CLVS1: variants seen among roughly 807,000 people sequenced by gnomAD.
CLVS1 encodes clavesin 1, also known as clavesin-1.
CLVS1 carries 10 observed loss-of-function variants against 33.1 expected under a neutral mutation model. The ratio of observed to expected loss-of-function variants is 0.30; its 90% confidence interval spans 0.19 to 0.51. The LOEUF (loss-of-function observed/expected upper bound fraction) is 0.51, where lower values mean the gene tolerates loss of function less well. Ranked by LOEUF, CLVS1 falls within the 20% of genes least tolerant of loss-of-function variation. The pLI is 0.97. For missense variants in CLVS1, 343 were observed against 433.4 expected (o/e 0.79, Z 1.85); for synonymous variants, 163 against 166.1 (o/e 0.98, Z 0.14).
chr8:61,372,006 T>C (rs1292773625), intron 2 of CLVS1, among the ~76,000 whole-genome samples: 1 of 152,192 alleles, frequency 6.6e-6, no homozygotes, highest in East Asian at 1.9e-4. Flanking sequence ...ACATACATTA[T>C]CACATTTGAA....
chr8:61,060,036 G>A (rs1056349508), intron 1 of CLVS1, among the ~76,000 whole-genome samples: 5 of 152,094 alleles, frequency 3.3e-5, no homozygotes, highest in Non-Finnish European at 5.9e-5. Context: ...CAGTGCCCTG[G>A]CGATTCCGGA....
chr8:60,968,398 C>T, the CLVS1 span, among the ~76,000 whole-genome samples: 1 of 151,920 alleles, frequency 6.6e-6, no homozygotes, highest in African/African-American at 2.4e-5. Flanking sequence ...CGCCTGTAGT[C>T]CCAGCTACTA....
At chr8:61,494,923 A>G (rs1804216646) in intron 5 of CLVS1, among the ~76,000 whole-genome samples, 1 of 152,208 alleles carries the variant, frequency 6.6e-6, no homozygotes, top group Non-Finnish European at 1.5e-5. Context: ...TCATCTTCTC[A>G]CTCAGGGAAA....
intron 1 of CLVS1, among the ~76,000 whole-genome samples, chr8:61,131,456 C>A (rs895598571): frequency 6.6e-6 from 1 of 151,974 alleles, no homozygotes. Flanking sequence ...TGTGTTTGAG[C>A]GTTTCTGTCT....
At chr8:61,091,027 C>T (rs1666857515) in intron 1 of CLVS1, 1 of 445,384 alleles carries the variant, frequency 2.2e-6, no homozygotes, top group Admixed American at 2.6e-5. Flanking sequence ...TCCCCAGAAC[C>T]TGTGCCCGTT....
intron 5 of CLVS1, among the ~76,000 whole-genome samples, chr8:61,492,838 G>A (rs4738899): frequency 0.55 from 83,179 of 151,982 alleles, 26,487 homozygotes; most frequent in Non-Finnish European, 0.71. Context: ...ATTATTTATC[G>A]GGTTCAGTAA....
intron 2 of CLVS1, among the ~76,000 whole-genome samples, chr8:61,154,212 T>G (rs903501539): frequency 2.0e-5 from 3 of 147,766 alleles, no homozygotes; most frequent in Admixed American, 6.7e-5. Context: ...GCTTTTTTTG[T>G]TTTTTTTTGT....
chr8:61,232,438 CT>C (rs1032681009), intron 2 of CLVS1, among the ~76,000 whole-genome samples: 2 of 152,120 alleles, frequency 1.3e-5, no homozygotes, highest in Admixed American at 6.5e-5. Context: ...ACGTTTGGGA[CT>C]TTTGTGAATA....
chr8:61,369,316 T>C (rs562694727), intron 2 of CLVS1, among the ~76,000 whole-genome samples: 1 of 152,230 alleles, frequency 6.6e-6, no homozygotes, highest in Non-Finnish European at 1.5e-5. Context: ...AACACAATTT[T>C]TTTTCTTTCT....
chr8:61,311,195 G>A (rs1276683843), intron 2 of CLVS1, among the ~76,000 whole-genome samples: 1 of 152,228 alleles, frequency 6.6e-6, no homozygotes, highest in Non-Finnish European at 1.5e-5. Flanking sequence ...GTTGATTGAT[G>A]AGGGATGAAG....
In CLVS1 at chr8:61,385,118, A is replaced by T. The variant is rs1256190321; in HGVS notation, c.630+8339A>T. ...GGGAGCAGGAGCATGGTGGTGGAAG[A>T]AGTATTCCATCATACTTTCCGTTGG... is the stretch of plus-strand genomic sequence containing the variant. On this transcript the variant is annotated intron_variant, in intron 3 of 5. Coordinates refer to ENST00000325897, the MANE Select transcript of CLVS1 (RefSeq NM_173519.3). 3.3e-5 allele frequency among the ~76,000 whole-genome samples: 5 copies of T among 152,194 alleles called. No homozygotes were observed. In the East Asian group the frequency reaches 7.7e-4, roughly 23 times the overall value.
At chr8:61,262,796 T>A (rs115766076) in intron 2 of CLVS1, among the ~76,000 whole-genome samples, 260 of 152,242 alleles carry the variant, frequency 1.7e-3, no homozygotes, top group African/African-American at 5.8e-3. Flanking sequence ...CCCTGTTCTT[T>A]ACAGTTGACT....
chr8:61,453,757 A>T (rs566517065), intron 3 of CLVS1, among the ~76,000 whole-genome samples: 4 of 152,270 alleles, frequency 2.6e-5, no homozygotes, highest in African/African-American at 9.6e-5. Flanking sequence ...GGAAATGAGG[A>T]TAAAGAGAGA....
intron 2 of CLVS1, among the ~76,000 whole-genome samples, chr8:61,245,556 AGTC>A (rs1310697331): frequency 3.9e-5 from 6 of 151,926 alleles, no homozygotes; most frequent in Non-Finnish European, 5.9e-5. Context: ...TATATTTTAT[AGTC>A]GTCTTTTGTC....
At chr8:61,158,354 A>T (rs920410834) in intron 2 of CLVS1, among the ~76,000 whole-genome samples, 2 of 152,200 alleles carry the variant, frequency 1.3e-5, no homozygotes, top group South Asian at 4.1e-4. Flanking sequence ...TCTCCAGCTC[A>T]ATGGAAGTGC....
Position 61,254,725 on chromosome 8 carries a change from C to T in CLVS1, c.-151-44952C>T, listed in dbSNP as rs142011547. ...GGCATAGGACCCTCTGAGCCAGGCA[C>T]GGGATATAATCTCCTGGTGTGCTGC... On this transcript the variant is annotated intron_variant, in intron 2 of 2. Coordinates refer to the CLVS1 transcript ENST00000522621. Among the ~76,000 whole-genome samples, 1,191 of 152,248 alleles carry T rather than the reference C, an allele frequency of 7.8e-3. 16 individuals are homozygous for T. Among genetic ancestry groups the T allele is most frequent in the African/African-American group, 0.025 (1,050 of 41,540 alleles).
At chr8:61,421,336 G>A (rs942185331) in intron 3 of CLVS1, among the ~76,000 whole-genome samples, 18 of 152,122 alleles carry the variant, frequency 1.2e-4, no homozygotes, top group Non-Finnish European at 2.4e-4. Flanking sequence ...ATAAAGCAAT[G>A]CCCTGCAGAA....
chr8:60,998,710 A>C, the CLVS1 span, among the ~76,000 whole-genome samples: 1 of 152,098 alleles, frequency 6.6e-6, no homozygotes, highest in African/African-American at 2.4e-5. Context: ...TGAAAGTCTC[A>C]ATTTAAAAAG....
At chr8:61,087,623 G>A (rs1359536236) in intron 1 of CLVS1, among the ~76,000 whole-genome samples, 3 of 152,106 alleles carry the variant, frequency 2.0e-5, no homozygotes, top group African/African-American at 7.2e-5. Context: ...TTGGATGAAC[G>A]TTGAAGATGC....
Sources: allele counts gnomAD v4.1 joint callset (sites outside exome capture counted in the v4.1 genomes callset), GRCh38; gene constraint gnomAD v4.1.1; transcripts MANE v1.5; gene names NCBI Gene and HGNC (gene_info 2026-07-23, HGNC 2026-07-21).